GNB1: variants seen among roughly 807,000 people sequenced by gnomAD.
GNB1 encodes G protein subunit beta 1, also known as guanine nucleotide-binding protein G(I)/G(S)/G(T) subunit beta-1.
GNB1 carries 2 observed loss-of-function variants against 42.9 expected under a neutral mutation model. That is an observed-to-expected ratio of 0.05 (90% CI 0.02 to 0.15). GNB1 has a LOEUF of 0.15. Ranked by LOEUF, GNB1 falls within the 10% of genes least tolerant of loss-of-function variation. GNB1 has a pLI of 1.00. For missense variants in GNB1, 193 were observed against 462.2 expected (o/e 0.42, Z 5.34); for synonymous variants, 183 against 174.7 (o/e 1.05, Z -0.38).
At chr1:1,851,830 G>A (rs1414781980) in intron 1 of GNB1, among the ~76,000 whole-genome samples, 1 of 152,010 alleles carries the variant, frequency 6.6e-6, no homozygotes, top group Non-Finnish European at 1.5e-5. Flanking sequence ...GATCACTTGA[G>A]GTCAGGAGTT....
chr1:1,870,765 C>T (rs1309760115), intron 1 of GNB1, among the ~76,000 whole-genome samples: 1 of 151,928 alleles, frequency 6.6e-6, no homozygotes, highest in Non-Finnish European at 1.5e-5. Flanking sequence ...TGAAACCCCA[C>T]CTCTACTAAA....
In GNB1 at chr1:1,804,293, C is replaced by T. The variant is rs557995095; in HGVS notation, c.430+126G>A. On this transcript the variant is annotated intron_variant, in intron 7 of 11. Coordinates refer to ENST00000378609, the MANE Select transcript of GNB1 (RefSeq NM_002074.5). ...CAGCCTGGGTGACAGAGCGAGACTC[C>T]GCCTCAAAAAAAATAATTAATTAAT... 2.0e-3 allele frequency: 1,317 copies of T among 665,276 alleles called. 9 individuals carry two copies. The highest frequency in any genetic ancestry group is 2.9e-3 in the Non-Finnish European group (1,147 of 401,632). 41.2% of individuals were successfully genotyped at this position (665,276 alleles called of 1,614,324 possible).
chr1:1,794,901 G>A (rs1646526421), intron 7 of GNB1, among the ~76,000 whole-genome samples: 1 of 152,156 alleles, frequency 6.6e-6, no homozygotes, highest in African/African-American at 2.4e-5. Flanking sequence ...TGTTGGTCAG[G>A]ATGGTCTTGA....
intron 1 of GNB1, 91 bp downstream of exon 1, chr1:1,890,729 G>C (rs2101992942): frequency 6.7e-6 from 1 of 148,390 alleles, no homozygotes; most frequent in South Asian, 2.1e-4. Context: ...GGCCCCGACC[G>C]GCGGGTGGGG....
At chr1:1,840,131 G>C (rs559939644) in intron 1 of GNB1, among the ~76,000 whole-genome samples, 1 of 152,008 alleles carries the variant, frequency 6.6e-6, no homozygotes, top group South Asian at 2.1e-4. Flanking sequence ...GGGAGGCAGA[G>C]GCAGGAGAAT....
chr1:1,882,294 G>A (rs1430531844), intron 1 of GNB1, among the ~76,000 whole-genome samples: 3 of 152,016 alleles, frequency 2.0e-5, no homozygotes, highest in East Asian at 1.9e-4. Context: ...TAGGCGTGGC[G>A]GCATGCACCT....
intron 3 of GNB1, chr1:1,825,076 G>A (rs1646979229): frequency 4.3e-6 from 1 of 233,984 alleles, no homozygotes; most frequent in Non-Finnish European, 8.3e-6. Flanking sequence ...AGGGGAGGGA[G>A]GTAGATATCA....
At chr1:1,874,643 T>C (rs1400548622) in intron 1 of GNB1, among the ~76,000 whole-genome samples, 1 of 130,964 alleles carries the variant, frequency 7.6e-6, no homozygotes, top group African/African-American at 2.8e-5. Context: ...GTACAAAAAT[T>C]AGCTGGGCAT....
intron 1 of GNB1, among the ~76,000 whole-genome samples, chr1:1,878,271 T>A (rs933205803): frequency 6.6e-6 from 1 of 152,184 alleles, no homozygotes; most frequent in African/African-American, 2.4e-5. Flanking sequence ...CCAACTGCCA[T>A]GGGAGTGTCA....
intron 1 of GNB1, among the ~76,000 whole-genome samples, chr1:1,864,811 A>G (rs1648833778): frequency 6.6e-6 from 1 of 152,230 alleles, no homozygotes. Context: ...TAGAGTGCTC[A>G]CTTACAGCTG....
intron 2 of GNB1, among the ~76,000 whole-genome samples, chr1:1,836,742 G>A (rs1036719131): frequency 6.6e-6 from 1 of 152,080 alleles, no homozygotes; most frequent in Non-Finnish European, 1.5e-5. Flanking sequence ...GTAGAGATGG[G>A]GTTTCCCCAT....
intron 1 of GNB1, among the ~76,000 whole-genome samples, chr1:1,874,669 T>C (rs1315471169): frequency 4.0e-5 from 6 of 148,210 alleles, no homozygotes; most frequent in Non-Finnish European, 7.4e-5. Flanking sequence ...CACACGCCTG[T>C]AGTCCCACCT....
Position 1,890,800 on chromosome 1 carries a change from C to T in GNB1, c.-96+20G>A, listed in dbSNP as rs1650464657. The stretch of plus-strand genomic sequence containing the variant: ...GGACGAACAGGACCCGGGTCCGGGG[C>T]TGGGGGCTGCCGCGCTCACCTCAGC... On this transcript the variant is annotated intron_variant, in intron 1 of 11. Coordinates refer to ENST00000378609, the MANE Select transcript of GNB1 (RefSeq NM_002074.5). 1 of 148,374 alleles carries T rather than the reference C, an allele frequency of 6.7e-6. No individual in the cohort carries two copies. Among genetic ancestry groups the T allele is most frequent in the Non-Finnish European group, 1.5e-5 (1 of 66,670 alleles). 9.2% of individuals were successfully genotyped at this position (148,374 alleles called of 1,614,324 possible). A position where few individuals can be genotyped will look rare whatever the true frequency, so the allele number is the denominator to read the frequency against.
At chr1:1,800,585 G>A (rs984480238) in intron 7 of GNB1, among the ~76,000 whole-genome samples, 3 of 152,084 alleles carry the variant, frequency 2.0e-5, no homozygotes. Flanking sequence ...GCAGCACAGA[G>A]GGGCAGGGAC....
chr1:1,799,543 G>C (rs1646596476), intron 7 of GNB1, among the ~76,000 whole-genome samples: 2 of 152,166 alleles, frequency 1.3e-5, no homozygotes, highest in Admixed American at 1.3e-4. Context: ...TGGTTTACAG[G>C]GTCAGTGTGA....
At chr1:1,864,871 A>G (rs1255629910) in intron 1 of GNB1, among the ~76,000 whole-genome samples, 1 of 152,224 alleles carries the variant, frequency 6.6e-6, no homozygotes, top group Non-Finnish European at 1.5e-5. Flanking sequence ...ATCAGCTACA[A>G]TTAGCTTAAC....
chr1:1,855,240 G>C (rs1648209714), intron 1 of GNB1, among the ~76,000 whole-genome samples: 1 of 149,050 alleles, frequency 6.7e-6, no homozygotes, highest in South Asian at 2.1e-4. Flanking sequence ...AGAATCACTT[G>C]AACCGGGGAG....
chr1:1,882,681 G>C (rs545800854), intron 1 of GNB1, among the ~76,000 whole-genome samples: 25 of 152,282 alleles, frequency 1.6e-4, no homozygotes, highest in African/African-American at 6.0e-4. Context: ...CCAGCACTTT[G>C]GGAGGCCGAG....
chr1:1,863,513 T>C (rs761415430), intron 1 of GNB1, among the ~76,000 whole-genome samples: 1 of 152,208 alleles, frequency 6.6e-6, no homozygotes, highest in Non-Finnish European at 1.5e-5. Flanking sequence ...AGCCCTTTAC[T>C]GAAACGTCTA....
Sources: gnomAD v4.1 joint callset for allele counts (sites outside exome capture counted in the v4.1 genomes callset) on GRCh38, gnomAD v4.1.1 for gene constraint, MANE v1.5 for transcripts, NCBI Gene and HGNC (gene_info 2026-07-23, HGNC 2026-07-21) for gene names.